FOXJ1: variants seen among roughly 807,000 people sequenced by gnomAD.
The protein encoded by FOXJ1 is forkhead box J1, also known as forkhead box protein J1.
A neutral mutation model predicts 29.3 loss-of-function variants in FOXJ1; 8 were observed. That is an observed-to-expected ratio of 0.27 (90% CI 0.16 to 0.49). The LOEUF (loss-of-function observed/expected upper bound fraction) is 0.49, where lower values mean the gene tolerates loss of function less well. FOXJ1 is among the 20% of genes least tolerant of loss of function. The pLI is 0.98. For synonymous variants in FOXJ1, 280 were observed against 278.7 expected (o/e 1.00, Z -0.05); for missense variants, 539 against 595.5 (o/e 0.91, Z 0.99).
In FOXJ1 at chr17:76,137,123, G is replaced by T. The variant is rs2068484280; in HGVS notation, c.*230C>A. On this transcript the variant is annotated 3_prime_UTR_variant, in exon 3 of 3. Coordinates refer to ENST00000322957, the MANE Select transcript of FOXJ1 (RefSeq NM_001454.4). This position sits in a 1 kb window ranked among gnomAD's most constrained non-coding sequence, Gnocchi z 9.5. ...GAGCAATGAAACACTGTGTGTACAA[G>T]GTGGGGCTGGGGAGAGGAGGCAGCG... 6.6e-6 allele frequency: 3 copies of T among 457,302 alleles called. No homozygotes were observed. The highest frequency in any genetic ancestry group is 2.0e-5 in the African/African-American group (1 of 49,686). The allele number at this position is 457,302 out of a possible 1,614,324, so 28.3% of individuals were successfully genotyped here. A position where few individuals can be genotyped will look rare whatever the true frequency, so the allele number is the denominator to read the frequency against.
At position 76,137,310 on chromosome 17, in the gene FOXJ1, C is replaced by G; in HGVS notation, c.*43G>C. On this transcript the variant is annotated 3_prime_UTR_variant, in exon 3 of 3. Coordinates refer to ENST00000322957, the MANE Select transcript of FOXJ1 (RefSeq NM_001454.4). This position sits in a 1 kb window ranked among gnomAD's most constrained non-coding sequence, Gnocchi z 9.5. The stretch of plus-strand genomic sequence containing the variant: ...CCTGTGTTGGGGGGCAGTTCTGGAC[C>G]CTGACTTGGGCACTGTCCAGAGGTG... The G allele has an allele frequency of 7.0e-7, 1 of 1,425,244 alleles. No individual in the cohort carries two copies. Among genetic ancestry groups the G allele is most frequent in the Non-Finnish European group, 9.2e-7 (1 of 1,089,964 alleles). The allele number at this position is 1,425,244 out of a possible 1,614,324, so 88.3% of individuals were successfully genotyped here.
chr17:76,137,997 C>T lies in FOXJ1; in HGVS notation c.622G>A (p.Gly208Ser), dbSNP rs1036815833. 30 of 1,611,450 alleles carry T rather than the reference C, an allele frequency of 1.9e-5. No individual in the cohort carries two copies. The highest frequency in any genetic ancestry group is 1.6e-4 in the Middle Eastern group (1 of 6,080). Residue 208 changes from glycine to serine, a missense_variant, in exon 3 of 3, where the codon GGC becomes AGC. By Grantham distance (56) the Gly-to-Ser change is moderately conservative. Around this residue, in one of 3 missense-constraint regions of FOXJ1, gnomAD observed 178 missense variants for 254.4 expected, o/e 0.70. Transcript: ENST00000322957. This position sits in a 1 kb window ranked among gnomAD's most constrained non-coding sequence, Gnocchi z 9.5. ...DPQYAERLLSGAFKKRRLPPV... is the reference protein window; with the variant it reads ...DPQYAERLLSSAFKKRRLPPV... Reference sequence around the variant, plus strand: ...GGCAGTCGCCGCTTCTTGAAAGCGCCGCTCAGTAGCCGCTCCGCGTACTGG... The same window carrying T: ...GGCAGTCGCCGCTTCTTGAAAGCGCTGCTCAGTAGCCGCTCCGCGTACTGG...
rs770811479 is a variant in FOXJ1 at position 76,138,033 on chromosome 17, G to A, written c.586C>T (p.Arg196Cys). 2.5e-6 allele frequency: 4 copies of A among 1,613,746 alleles called. No homozygotes were observed. Among genetic ancestry groups the A allele is most frequent in the African/African-American group, 1.3e-5 (1 of 74,946 alleles). The stretch of plus-strand genomic sequence containing the variant: ...CGCTCCGCGTACTGGGGGTCAATGC[G>A]CCAGAAGCCCCCCTTGCCTGGTTCG... ...KDEPGKGGFW[R>C]IDPQYAERLL... is the part of the protein sequence containing the mutation. The change falls in exon 3 of 3, where the codon CGC (arginine) becomes TGC (cysteine). Residue 196 changes from arginine (R) to cysteine (C), a missense_variant. Arg to Cys is a radical substitution (Grantham distance 180). This residue lies in a region of FOXJ1 where 178 missense variants were observed against 254.4 expected (regional missense o/e 0.70). Transcript: ENST00000322957.
In FOXJ1 at chr17:76,137,904, C is replaced by A; in HGVS notation, c.715G>T (p.Gly239Trp). Residue 239 changes from glycine (G) to tryptophan (W), a missense_variant, in exon 3 of 3, where the codon GGG becomes TGG. Gly to Trp is a radical substitution (Grantham distance 184). Coordinates refer to ENST00000322957, the MANE Select transcript of FOXJ1 (RefSeq NM_001454.4). The surrounding 1 kb of genome is among the most constrained non-coding windows in gnomAD (Gnocchi z 9.5). ...GCCTCGGTATTCACCGTCAGCGGCC[C>A]GGCCCGGGGGACAGCGCTGGGCTCC... is the stretch of plus-strand genomic sequence containing the variant. ...AQEPSAVPRA[G>W]PLTVNTEAQQ... 1 of 1,565,276 alleles carries A rather than the reference C, an allele frequency of 6.4e-7. No individual in the cohort carries two copies. The highest frequency in any genetic ancestry group is 8.7e-7 in the Non-Finnish European group (1 of 1,155,134).
chr17:76,140,420 C>A lies in FOXJ1; in HGVS notation c.-25G>T. 1 of 1,409,722 alleles carries A rather than the reference C, an allele frequency of 7.1e-7. No individual in the cohort carries two copies. 87.3% of individuals were successfully genotyped at this position (1,409,722 alleles called of 1,614,324 possible). A position where few individuals can be genotyped will look rare whatever the true frequency, so the allele number is the denominator to read the frequency against. On this transcript the variant is annotated 5_prime_UTR_variant, in exon 2 of 3. Transcript: ENST00000322957. This position sits in a 1 kb window ranked among gnomAD's most constrained non-coding sequence, Gnocchi z 8.0. ...TGTCTGCGGGGACTCTCCGAGGGGG[C>A]GGTCAGCATCCACGGGCTGAGCCGG...
chr17:76,136,380 A>G lies in FOXJ1; in HGVS notation c.*973T>C, dbSNP rs2068479743. 6.6e-6 allele frequency: 1 copy of G among 152,066 alleles called. No homozygotes were observed. The highest frequency in any genetic ancestry group is 1.5e-5 in the Non-Finnish European group (1 of 67,984). The allele number at this position is 152,066 out of a possible 1,614,324, so 9.4% of individuals were successfully genotyped here. ...TTTTAAAAACTTTTCATTGTAAATA[A>G]CTTTCATGAAAAAGGTTAAATTGCC... On this transcript the variant is annotated 3_prime_UTR_variant, in exon 3 of 3. Transcript: ENST00000322957. This position sits in a 1 kb window ranked among gnomAD's most constrained non-coding sequence, Gnocchi z 4.9.
At position 76,139,914 on chromosome 17, in the gene FOXJ1, G is replaced by A; in HGVS notation, c.482C>T (p.Ala161Val). 3 of 1,597,274 alleles carry A rather than the reference G, an allele frequency of 1.9e-6. No homozygotes were observed. Among genetic ancestry groups the A allele is most frequent in the Non-Finnish European group, 2.6e-6 (3 of 1,172,770 alleles). Reference protein sequence around the residue: ...ITDNFCYFRHADPTWQNSIRH... With the variant: ...ITDNFCYFRHVDPTWQNSIRH... ...CTCCTCTACCTGCCAGGTGGGATCTGCGTGGCGGAAGTAGCAGAAGTTGTC... is the reference window on the plus strand; with the variant it reads ...CTCCTCTACCTGCCAGGTGGGATCTACGTGGCGGAAGTAGCAGAAGTTGTC... Residue 161 changes from alanine to valine, a missense_variant, in exon 2 of 3, where the codon GCA becomes GTA. By Grantham distance (64) the Ala-to-Val change is moderately conservative. Coordinates refer to ENST00000322957, the MANE Select transcript of FOXJ1 (RefSeq NM_001454.4). This position sits in a 1 kb window ranked among gnomAD's most constrained non-coding sequence, Gnocchi z 6.6.
At chr17:76,138,545 G>C (rs1050386596) in intron 2 of FOXJ1, among the ~76,000 whole-genome samples, 7 of 152,128 alleles carry the variant, frequency 4.6e-5, no homozygotes, top group Non-Finnish European at 7.4e-5. Context: ...CCAGGGAGGG[G>C]GCTGGGCAGC....
In FOXJ1 at chr17:76,136,469, C is replaced by T. The variant is rs1437690179; in HGVS notation, c.*884G>A. On this transcript the variant is annotated 3_prime_UTR_variant, in exon 3 of 3. Coordinates refer to ENST00000322957, the MANE Select transcript of FOXJ1 (RefSeq NM_001454.4). This position sits in a 1 kb window ranked among gnomAD's most constrained non-coding sequence, Gnocchi z 4.9. Reference sequence around the variant, plus strand: ...GAGTCCGGGTGGAGCAAGGCACGCCCCACGCCCCCGAGGAGTGCAGGCAGG... The same window carrying T: ...GAGTCCGGGTGGAGCAAGGCACGCCTCACGCCCCCGAGGAGTGCAGGCAGG... 1 of 152,114 alleles carries T rather than the reference C, an allele frequency of 6.6e-6. No individual in the cohort carries two copies. The highest frequency in any genetic ancestry group is 1.5e-5 in the Non-Finnish European group (1 of 68,022). 9.4% of individuals were successfully genotyped at this position (152,114 alleles called of 1,614,324 possible). A position where few individuals can be genotyped will look rare whatever the true frequency, so the allele number is the denominator to read the frequency against.
At position 76,137,798 on chromosome 17, in the gene FOXJ1, C is replaced by A; in HGVS notation, c.821G>T (p.Arg274Leu). ...CACCCGCTTGGGCAGCGGCTGTTTG[C>A]GCTTATGCCCCAGCCTGCCCTCGCC... ...GAGEGRLGHKRKQPLPKRVAK... is the reference protein window; with the variant it reads ...GAGEGRLGHKLKQPLPKRVAK... The change falls in exon 3 of 3, where the codon CGC (arginine) becomes CTC (leucine). Residue 274 changes from arginine to leucine, a missense_variant. Arg to Leu is a moderately radical substitution (Grantham distance 102, BLOSUM62 -2). Around this residue, in one of 3 missense-constraint regions of FOXJ1, gnomAD observed 302 missense variants for 293.6 expected, o/e 1.03. Transcript: ENST00000322957. The surrounding 1 kb of genome is among the most constrained non-coding windows in gnomAD (Gnocchi z 9.5). 2 of 1,605,836 alleles carry A rather than the reference C, an allele frequency of 1.2e-6. No homozygotes were observed. Among genetic ancestry groups the A allele is most frequent in the Non-Finnish European group, 8.5e-7 (1 of 1,176,826 alleles).
Position 76,137,530 on chromosome 17 carries a change from C to A in FOXJ1, c.1089G>T (p.Val363=). Residue 363 remains valine (V), a synonymous_variant, in exon 3 of 3, where the codon GTG becomes GTT. Transcript: ENST00000322957. The surrounding 1 kb of genome is among the most constrained non-coding windows in gnomAD (Gnocchi z 9.5). ...AGTCCAGGCTGTCGGCAGCCTGCTCCACCGAAGGCCCCCAGGTGGCAGGGC... is the reference window on the plus strand; with the variant it reads ...AGTCCAGGCTGTCGGCAGCCTGCTCAACCGAAGGCCCCCAGGTGGCAGGGC... The part of the protein sequence containing the change: ...IDCPATWGPS[V]EQAADSLDFD... 6.3e-7 allele frequency: 1 copy of A among 1,593,540 alleles called. No homozygotes were observed. Among genetic ancestry groups the A allele is most frequent in the South Asian group, 1.1e-5 (1 of 88,136 alleles).
rs2068506812 is a variant in FOXJ1, at chr17:76,140,161, G to T, written c.235C>A (p.Pro79Thr). 1 of 1,496,870 alleles carries T rather than the reference G, an allele frequency of 6.7e-7. No homozygotes were observed. Among genetic ancestry groups the T allele is most frequent in the Non-Finnish European group, 8.8e-7 (1 of 1,134,098 alleles). The allele number at this position is 1,496,870 out of a possible 1,614,324, so 92.7% of individuals were successfully genotyped here. A position where few individuals can be genotyped will look rare whatever the true frequency, so the allele number is the denominator to read the frequency against. The change falls in exon 2 of 3, where the codon CCC becomes ACC. Residue 79 changes from proline (P) to threonine (T), a missense_variant. By Grantham distance (38) the Pro-to-Thr change is conservative. Transcript: ENST00000322957. This position sits in a 1 kb window ranked among gnomAD's most constrained non-coding sequence, Gnocchi z 8.0. ...AAPGSPLAAD[P>T]ACLGQPHTPG... is the part of the protein sequence containing the mutation. ...GTGTGTGGCTGCCCCAGGCAGGCGG[G>T]GTCGGCCGCCAGGGGGGACCCGGGC... is the stretch of plus-strand genomic sequence containing the variant.
rs963319067 is a variant in FOXJ1 at position 76,136,495 on chromosome 17, G to A, written c.*858C>T. 6.6e-6 allele frequency: 1 copy of A among 152,122 alleles called. No individual in the cohort carries two copies. Among genetic ancestry groups the A allele is most frequent in the African/African-American group, 2.4e-5 (1 of 41,370 alleles). 9.4% of individuals were successfully genotyped at this position (152,122 alleles called of 1,614,324 possible). ...CACGCCCCCGAGGAGTGCAGGCAGG[G>A]GCGTGGGGTACCCCGCTTCTTGGTC... On this transcript the variant is annotated 3_prime_UTR_variant, in exon 3 of 3. Coordinates refer to ENST00000322957, the MANE Select transcript of FOXJ1 (RefSeq NM_001454.4). This position sits in a 1 kb window ranked among gnomAD's most constrained non-coding sequence, Gnocchi z 4.9.
Position 76,138,040 on chromosome 17 carries a change from G to A in FOXJ1, c.579C>T (p.Gly193=), listed in dbSNP as rs759265987. The part of the protein sequence containing the change: ...PREKDEPGKG[G]FWRIDPQYAE... ...CGTACTGGGGGTCAATGCGCCAGAA[G>A]CCCCCCTTGCCTGGTTCGTCCTTCT... The change falls in exon 3 of 3, where the codon GGC becomes GGT. Residue 193 remains glycine (G), a synonymous_variant. Transcript: ENST00000322957. 5 of 1,613,826 alleles carry A rather than the reference G, an allele frequency of 3.1e-6. No individual in the cohort carries two copies.
At chr17:76,138,470 C>G (rs1213260229) in intron 2 of FOXJ1, among the ~76,000 whole-genome samples, 1 of 152,178 alleles carries the variant, frequency 6.6e-6, no homozygotes, top group Non-Finnish European at 1.5e-5. Context: ...CTCGGCTCCC[C>G]CAGGGCCTGG....
chr17:76,138,714 C>A (rs905286924), intron 2 of FOXJ1, among the ~76,000 whole-genome samples: 1 of 152,298 alleles, frequency 6.6e-6, no homozygotes, highest in Admixed American at 6.5e-5. Flanking sequence ...TATTACCCAG[C>A]CAAGAGCTAA....
rs772479816 is a variant in FOXJ1 at position 76,137,933 on chromosome 17, G to T, written c.686C>A (p.Ala229Glu). The stretch of plus-strand genomic sequence containing the variant: ...CCGGGGGACAGCGCTGGGCTCCTGC[G>T]CGGCCTGGCGGGCAAAGGCTGGGTG... ...HIHPAFARQA[A>E]QEPSAVPRAG... The change falls in exon 3 of 3, where the codon GCG becomes GAG. Residue 229 changes from alanine to glutamate, a missense_variant. Ala to Glu is a moderately radical substitution (Grantham distance 107, BLOSUM62 -1). Transcript: ENST00000322957. The surrounding 1 kb of genome is among the most constrained non-coding windows in gnomAD (Gnocchi z 9.5). The T allele has an allele frequency of 1.3e-6, 2 of 1,574,554 alleles. No homozygotes were observed. The highest frequency in any genetic ancestry group is 1.3e-5 in the African/African-American group (1 of 74,320).
Position 76,141,227 on chromosome 17 carries a change from CG to C in FOXJ1, c.-284del, listed in dbSNP as rs1568014096. ...CTGCCAGCGCCTCTTGCCGCCCCCCCGCCCGACGGCGCTTCTCTGAGCTACC... is the reference window on the plus strand; with the variant it reads ...CTGCCAGCGCCTCTTGCCGCCCCCCCCCCGACGGCGCTTCTCTGAGCTACC... On this transcript the variant is annotated 5_prime_UTR_variant, in exon 1 of 3. Coordinates refer to ENST00000322957, the MANE Select transcript of FOXJ1 (RefSeq NM_001454.4). This position sits in a 1 kb window ranked among gnomAD's most constrained non-coding sequence, Gnocchi z 4.2. 1 of 152,404 alleles carries C rather than the reference CG, an allele frequency of 6.6e-6. No individual in the cohort carries two copies. Among genetic ancestry groups the C allele is most frequent in the African/African-American group, 2.4e-5 (1 of 41,444 alleles). The allele number at this position is 152,404 out of a possible 1,614,324, so 9.4% of individuals were successfully genotyped here. A position where few individuals can be genotyped will look rare whatever the true frequency, so the allele number is the denominator to read the frequency against.
chr17:76,140,095 G>A lies in FOXJ1; in HGVS notation c.301C>T (p.Pro101Ser), dbSNP rs1370376642. 6.2e-7 allele frequency: 1 copy of A among 1,602,370 alleles called. No individual in the cohort carries two copies. Among genetic ancestry groups the A allele is most frequent in the Non-Finnish European group, 8.5e-7 (1 of 1,179,064 alleles). Residue 101 changes from proline to serine, a missense_variant, in exon 2 of 3, where the codon CCC becomes TCC. Around this residue, in one of 3 missense-constraint regions of FOXJ1, gnomAD observed 178 missense variants for 254.4 expected, o/e 0.70. Coordinates refer to ENST00000322957, the MANE Select transcript of FOXJ1 (RefSeq NM_001454.4). This position sits in a 1 kb window ranked among gnomAD's most constrained non-coding sequence, Gnocchi z 8.0. ...GGGGGTGGGGCCTGCAGCCCCGGGG[G>A]CGCGCTCCGCGACGTGCACGACGAC... ...PTSSCTSRSAPPGLQAPPPDD... is the reference protein window; with the variant it reads ...PTSSCTSRSASPGLQAPPPDD...
Sources: gnomAD v4.1 joint callset for allele counts (sites outside exome capture counted in the v4.1 genomes callset) on GRCh38, gnomAD v4.1.1 for gene constraint, gnomAD v4.1.1 regional missense constraint, Gnocchi (gnomAD v3.1) non-coding constraint, MANE v1.5 for transcripts, NCBI Gene and HGNC (gene_info 2026-07-23, HGNC 2026-07-21) for gene names.